Variants in VCL observed in about 807,000 individuals in gnomAD.
VCL encodes vinculin.
VCL carries 47 observed loss-of-function variants against 125.7 expected under a neutral mutation model. That is an observed-to-expected ratio of 0.37 (90% CI 0.30 to 0.48). The LOEUF (loss-of-function observed/expected upper bound fraction) is 0.48, where lower values mean the gene tolerates loss of function less well. Ranked by LOEUF, VCL falls within the 20% of genes least tolerant of loss-of-function variation. The pLI is 0.99. For synonymous variants in VCL, 458 were observed against 514.6 expected, an observed-to-expected ratio of 0.89 and a Z score of 1.49; for missense variants, 1,069 against 1,455.5, an observed-to-expected ratio of 0.73 and a Z score of 4.32.
Position 74,090,610 on chromosome 10 carries a change from G to GT in VCL, c.1352+413dup, listed in dbSNP as rs1839865321. ...TATGTGTATATGGAGGGGAAGAAGC[G>GT]TAAGAATGTACTTTCCTCCTTCCCC... On this transcript the variant is annotated intron_variant, in intron 10 of 21. Coordinates refer to ENST00000211998, the MANE Select transcript of VCL (RefSeq NM_014000.3). Among the ~76,000 whole-genome samples, 3 of 152,166 alleles carry GT rather than the reference G, an allele frequency of 2.0e-5. No individual in the cohort carries two copies. In the South Asian group the frequency reaches 6.2e-4, roughly 32 times the overall value.
chr10:74,004,456 C>CT (rs1840282505), intron 1 of VCL, among the ~76,000 whole-genome samples: 5 of 152,124 alleles, frequency 3.3e-5, no homozygotes, highest in Admixed American at 3.3e-4. Context: ...AGATCCTCTG[C>CT]TTTTTTTCAC....
intron 2 of VCL, among the ~76,000 whole-genome samples, chr10:74,056,165 G>A (rs1841386624): frequency 6.6e-6 from 1 of 150,908 alleles, no homozygotes; most frequent in Non-Finnish European, 1.5e-5. Flanking sequence ...TAGTGAGCCT[G>A]TGGGTTTTGT....
At chr10:74,055,043 T>C (rs1841368803) in intron 2 of VCL, among the ~76,000 whole-genome samples, 1 of 152,080 alleles carries the variant, frequency 6.6e-6, no homozygotes. Flanking sequence ...CTCACACCTG[T>C]AATCCCAGCC....
intron 1 of VCL, among the ~76,000 whole-genome samples, chr10:74,023,346 G>A (rs61369691): frequency 3.7e-4 from 56 of 152,312 alleles, no homozygotes; most frequent in African/African-American, 1.3e-3. Flanking sequence ...ATGCCATAAA[G>A]CCTCGGCATG....
At chr10:74,004,616 C>G (rs1840285972) in intron 1 of VCL, among the ~76,000 whole-genome samples, 1 of 152,188 alleles carries the variant, frequency 6.6e-6, no homozygotes, top group African/African-American at 2.4e-5. Flanking sequence ...CTGGCTTTAG[C>G]ATAGCCTGCA....
rs564533178 is a variant in VCL at position 74,067,393 on chromosome 10, A to C, written c.240-3277A>C. Among the ~76,000 whole-genome samples, 7 of 149,676 alleles carry C rather than the reference A, an allele frequency of 4.7e-5. 1 individual carries two copies. The South Asian group carries it at 1.2e-3, about 27-fold the overall frequency. On this transcript the variant is annotated intron_variant, in intron 2 of 21. Coordinates refer to ENST00000211998, the MANE Select transcript of VCL (RefSeq NM_014000.3). The stretch of plus-strand genomic sequence containing the variant: ...GGCTTTTATTTAAAAAAAAAAAAAG[A>C]TAAGCATTGGTGAGGATATGGAGAA...
intron 5 of VCL, 146 bp downstream of exon 5, chr10:74,072,998 T>C: frequency 8.2e-7 from 1 of 1,224,864 alleles, no homozygotes; most frequent in Admixed American, 2.1e-5. Context: ...TGGAGTGCAG[T>C]GGTGCGATCT....
Position 74,114,524 on chromosome 10 carries a change from G to A in VCL, c.3153+137G>A, listed in dbSNP as rs374349467. 186 of 1,127,434 alleles carry A rather than the reference G, an allele frequency of 1.6e-4. 1 individual carries two copies. The Middle Eastern group carries it at 2.0e-3, about 12-fold the overall frequency. 69.8% of individuals were successfully genotyped at this position (1,127,434 alleles called of 1,614,324 possible). On this transcript the variant is annotated intron_variant, in intron 20 of 21. Coordinates refer to ENST00000211998, the MANE Select transcript of VCL (RefSeq NM_014000.3). ...GTAAGGGAGAAAGAGGCACTTCACCGGGGACAGAAATAGCAGAAAGGGAAA... is the reference window on the plus strand; with the variant it reads ...GTAAGGGAGAAAGAGGCACTTCACCAGGGACAGAAATAGCAGAAAGGGAAA...
intron 18 of VCL, among the ~76,000 whole-genome samples, chr10:74,109,633 CTT>C (rs1840189967): frequency 6.7e-6 from 1 of 148,748 alleles, no homozygotes; most frequent in Non-Finnish European, 1.5e-5. Context: ...TGCTTTTGTC[CTT>C]TCTCAGAATC....
chr10:74,090,560 T>C (rs930715133), intron 10 of VCL, among the ~76,000 whole-genome samples: 5 of 152,192 alleles, frequency 3.3e-5, no homozygotes, highest in Non-Finnish European at 5.9e-5. Context: ...AAAATAATTT[T>C]TGTGGCTAGC....
chr10:74,076,383 G>A (rs1325564348), intron 6 of VCL: 2 of 152,622 alleles, frequency 1.3e-5, no homozygotes, highest in Non-Finnish European at 2.9e-5. Flanking sequence ...CAGTTCTTTG[G>A]GTAGGCTCCT....
chr10:74,046,701 T>G (rs1269491104), intron 2 of VCL, among the ~76,000 whole-genome samples: 1 of 152,224 alleles, frequency 6.6e-6, no homozygotes, highest in East Asian at 1.9e-4. Flanking sequence ...GAGTACAGGT[T>G]TCACTATCGG....
At chr10:74,077,398 T>C (rs1489197200) in intron 6 of VCL, 1 of 151,648 alleles carries the variant, frequency 6.6e-6, no homozygotes, top group Non-Finnish European at 1.4e-5. Context: ...CTGGTTCCCA[T>C]CCACTCTACC....
intron 20 of VCL, 63 bp downstream of exon 20, chr10:74,114,450 T>G: frequency 6.4e-7 from 1 of 1,560,320 alleles, no homozygotes; most frequent in Non-Finnish European, 8.7e-7. Context: ...TGTGTGTGTG[T>G]GTTGGAGGGG....
In VCL at chr10:74,119,992, G is replaced by T. The variant is rs8255; in HGVS notation, c.*1823G>T. The T allele has an allele frequency of 7.1e-6, 1 of 141,392 alleles. No homozygotes were observed. Among genetic ancestry groups the T allele is most frequent in the Non-Finnish European group, 1.5e-5 (1 of 65,762 alleles). The allele number at this position is 141,392 out of a possible 1,614,324, so 8.8% of individuals were successfully genotyped here. On this transcript the variant is annotated 3_prime_UTR_variant, in exon 22 of 22. Coordinates refer to ENST00000211998, the MANE Select transcript of VCL (RefSeq NM_014000.3). ...GTGCTTTTCTCCAATATCAGTGCTC[G>T]AGACACAGTGAAGCAAATTAAAAAA... is the stretch of plus-strand genomic sequence containing the variant.
rs1326851438 is a variant in VCL, at chr10:74,049,201, GT to G, written c.239+6057del. The stretch of plus-strand genomic sequence containing the variant: ...TATCCCTCTCATTCCTTCTCATTAT[GT>G]TTTTTTTTAAACTTTCATTGAAGTA... On this transcript the variant is annotated intron_variant, in intron 2 of 21. Transcript: ENST00000211998. Among the ~76,000 whole-genome samples, 7 of 151,356 alleles carry G rather than the reference GT, an allele frequency of 4.6e-5. No homozygotes were observed. In the East Asian group the frequency reaches 9.7e-4, roughly 21 times the overall value.
intron 1 of VCL, among the ~76,000 whole-genome samples, chr10:74,018,193 T>A (rs1840593265): frequency 7.1e-6 from 1 of 140,030 alleles, no homozygotes; most frequent in South Asian, 2.2e-4. Flanking sequence ...TATATATATA[T>A]ATATATATAA....
intron 14 of VCL, among the ~76,000 whole-genome samples, chr10:74,102,869 G>GT (rs879910158): frequency 0.015 from 2,218 of 146,046 alleles, 41 homozygotes; most frequent in African/African-American, 0.042. Flanking sequence ...ACCTCTGTGA[G>GT]TTTTTTTTTT....
intron 17 of VCL, among the ~76,000 whole-genome samples, chr10:74,108,111 G>A (rs184948630): frequency 3.3e-5 from 5 of 152,266 alleles, no homozygotes; most frequent in Admixed American, 2.0e-4. Flanking sequence ...TTGTGTCATC[G>A]CACACACAGC....
Sources: allele counts gnomAD v4.1 joint callset (sites outside exome capture counted in the v4.1 genomes callset), GRCh38; gene constraint gnomAD v4.1.1; transcripts MANE v1.5; gene names NCBI Gene and HGNC (gene_info 2026-07-23, HGNC 2026-07-21).